The following BAG6 variants were observed in gnomAD, a reference collection of about 807,000 sequenced individuals.
The protein encoded by BAG6 is large proline-rich protein BAG6.
In BAG6, 22 loss-of-function variants were observed where a neutral mutation model predicts 121.0. The ratio of observed to expected loss-of-function variants is 0.18; its 90% CI spans 0.13 to 0.26. The LOEUF is 0.26. Among genes scored for constraint, BAG6 ranks in the 10% least tolerant of loss-of-function variants. The pLI is 1.00. For missense variants in BAG6, 1,233 were observed against 1,537.7 expected, an observed-to-expected ratio of 0.80 and a Z score of 3.31; for synonymous variants, 583 against 584.6, an observed-to-expected ratio of 1.00 and a Z score of 0.04.
At chr6:31,650,931 A>G (rs1207235864) in intron 2 of BAG6, among the ~76,000 whole-genome samples, 2 of 152,320 alleles carry the variant, frequency 1.3e-5, no homozygotes, top group African/African-American at 2.4e-5. Flanking sequence ...AATTTCACTC[A>G]ACAGTCTATC....
rs762757383 is a variant in BAG6 at position 31,645,090 on chromosome 6, G to T, written c.1225C>A (p.Pro409Thr). 1 of 1,613,020 alleles carries T rather than the reference G, an allele frequency of 6.2e-7. No individual in the cohort carries two copies. The highest frequency in any genetic ancestry group is 1.1e-5 in the South Asian group (1 of 91,080). ...GAGGACTCGACATTGGTAGAAGACG[G>T]AGCCACGGATGAGGCCTGCCCAGGA... ...PGPGQASSVAPSSTNVESSAE... is the reference protein window; with the variant it reads ...PGPGQASSVATSSTNVESSAE... The change falls in exon 10 of 26, where the codon CCG (proline) becomes ACG (threonine). Residue 409 changes from proline to threonine, a missense_variant. Transcript: ENST00000676615.
intron 2 of BAG6, among the ~76,000 whole-genome samples, 180 bp from the exon 3 acceptor site, chr6:31,649,807 A>T (rs925719595): frequency 2.0e-5 from 3 of 152,226 alleles, no homozygotes; most frequent in Non-Finnish European, 4.4e-5. Context: ...GTCAAAATAC[A>T]GACAATAAAT....
rs749648935 is a variant in BAG6 at position 31,644,938 on chromosome 6, A to C, written c.1369+8T>G. ...GATCCTGCTCTTCTCGCCAGCAACT[A>C]TTCTCACCTTGAATGTTCATGTGCA... On this transcript the variant is annotated splice_region_variant and intron_variant, in intron 10 of 25. Transcript: ENST00000676615. The surrounding 1 kb of genome is among the most constrained non-coding windows in gnomAD (Gnocchi z 4.9). The C allele has an allele frequency of 1.9e-6, 3 of 1,564,580 alleles. No homozygotes were observed. Among genetic ancestry groups the C allele is most frequent in the East Asian group, 2.3e-5 (1 of 44,428 alleles).
Position 31,644,435 on chromosome 6 carries a change from A to C in BAG6, c.1448-21T>G. The stretch of plus-strand genomic sequence containing the variant: ...GGAGCCTGGGGGGCGGGTCTGATGT[A>C]ACCTTGAACCTGGACCCCTTCAACC... On this transcript the variant is annotated intron_variant, in intron 11 of 25. Coordinates refer to ENST00000676615, the MANE Select transcript of BAG6 (RefSeq NM_001387994.1). This position sits in a 1 kb window ranked among gnomAD's most constrained non-coding sequence, Gnocchi z 4.9. The C allele has an allele frequency of 6.4e-7, 1 of 1,551,180 alleles. No individual in the cohort carries two copies. The highest frequency in any genetic ancestry group is 8.7e-7 in the Non-Finnish European group (1 of 1,146,442).
rs1376608722 is a variant in BAG6 at position 31,647,601 on chromosome 6, T to C, written c.778A>G (p.Asn260Asp). The C allele has an allele frequency of 1.9e-6, 3 of 1,609,840 alleles. No homozygotes were observed. Among genetic ancestry groups the C allele is most frequent in the Non-Finnish European group, 2.5e-6 (3 of 1,178,718 alleles). Residue 260 changes from asparagine to aspartate, a missense_variant, in exon 7 of 26, where the codon AAT (asparagine) becomes GAT (aspartate). Around this residue, in one of 7 missense-constraint regions of BAG6, gnomAD observed 777 missense variants for 861.4 expected, o/e 0.90. Transcript: ENST00000676615. Reference protein sequence around the residue: ...PAGPTPAPETNAPNHPSPAEY... With the variant: ...PAGPTPAPETDAPNHPSPAEY... ...CCCTCCATCTCTCACTTGGGTGCAT[T>C]TGTTTCCGGGGCAGGTGTTGGGCCC...
At position 31,644,602 on chromosome 6, in the gene BAG6, T is replaced by C. The variant is rs1403922608; in HGVS notation, c.1370A>G (p.Asp457Gly). ...PVVMMHMNIQDSGTQPGGVPS... is the reference protein window; with the variant it reads ...PVVMMHMNIQGSGTQPGGVPS... Reference sequence around the variant, plus strand: ...AACACCACCAGGCTGTGTGCCAGAATCTGGGCAGGGAGACAGAGACAGTGG... The same window carrying C: ...AACACCACCAGGCTGTGTGCCAGAACCTGGGCAGGGAGACAGAGACAGTGG... Residue 457 changes from aspartate (D) to glycine (G), a missense_variant and splice_region_variant, in exon 11 of 26, where the codon GAT becomes GGT. Around this residue, in one of 7 missense-constraint regions of BAG6, gnomAD observed 777 missense variants for 861.4 expected, o/e 0.90. Coordinates refer to ENST00000676615, the MANE Select transcript of BAG6 (RefSeq NM_001387994.1). The surrounding 1 kb of genome is among the most constrained non-coding windows in gnomAD (Gnocchi z 4.9). 1 of 1,612,522 alleles carries C rather than the reference T, an allele frequency of 6.2e-7. No individual in the cohort carries two copies. The highest frequency in any genetic ancestry group is 8.5e-7 in the Non-Finnish European group (1 of 1,179,866).
Position 31,642,960 on chromosome 6 carries a change from A to G in BAG6, c.1912T>C (p.Ser638Pro). Residue 638 changes from serine to proline, a missense_variant, in exon 15 of 26, where the codon TCT becomes CCT. By Grantham distance (74) the Ser-to-Pro change is moderately conservative. Around this residue, in one of 7 missense-constraint regions of BAG6, gnomAD observed 777 missense variants for 861.4 expected, o/e 0.90. Transcript: ENST00000676615. ...PQPSMADLQF[S>P]QLLGNLLGPA... ...CCTAGCAGGTTCCCCAGAAGCTGAG[A>G]GAACTGAAGATCAGCCATGGAGGGT... 6.2e-7 allele frequency: 1 copy of G among 1,604,858 alleles called. No homozygotes were observed. The highest frequency in any genetic ancestry group is 1.3e-5 in the African/African-American group (1 of 74,980).
chr6:31,639,325 C>CA (rs1011695832), intron 25 of BAG6, 99 bp from the exon 26 acceptor site: 28 of 1,451,764 alleles, frequency 1.9e-5, no homozygotes, highest in African/African-American at 7.0e-5. Flanking sequence ...CATTTCCCCC[C>CA]CCAAGCACAC....
chr6:31,649,603 G>T lies in BAG6; in HGVS notation c.133C>A (p.His45Asn). ...GGGATGCTGACAGAGGCAGCAATGTGCTCCTTAAACTCTTTTACATTCATC... is the reference window on the plus strand; with the variant it reads ...GGGATGCTGACAGAGGCAGCAATGTTCTCCTTAAACTCTTTTACATTCATC... ...AQMNVKEFKE[H>N]IAASVSIPSE... Residue 45 changes from histidine (H) to asparagine (N), a missense_variant, in exon 3 of 26, where the codon CAC becomes AAC. By Grantham distance (68) the His-to-Asn change is moderately conservative. This residue lies in a region of BAG6 where 28 missense variants were observed against 24.5 expected (regional missense o/e 1.14). Coordinates refer to ENST00000676615, the MANE Select transcript of BAG6 (RefSeq NM_001387994.1). The T allele has an allele frequency of 1.9e-6, 3 of 1,614,050 alleles. No homozygotes were observed. Among genetic ancestry groups the T allele is most frequent in the Non-Finnish European group, 2.5e-6 (3 of 1,179,962 alleles).
chr6:31,643,257 A>C (rs1482755179), intron 14 of BAG6, 142 bp from the exon 15 acceptor site: 1 of 806,356 alleles, frequency 1.2e-6, no homozygotes, highest in African/African-American at 1.7e-5. Flanking sequence ...TCTACCAGAA[A>C]AAAAAAAAGA....
Position 31,644,156 on chromosome 6 carries a change from C to G in BAG6, c.1594G>C (p.Val532Leu). The G allele has an allele frequency of 1.2e-6, 2 of 1,614,024 alleles. No individual in the cohort carries two copies. Among genetic ancestry groups the G allele is most frequent in the Non-Finnish European group, 1.7e-6 (2 of 1,179,974 alleles). ...GGAGGAGTGGGCCGGGCAATCACCACCCGGGTTGGAGCTGTTGGGAAGCCT... is the reference window on the plus strand; with the variant it reads ...GGAGGAGTGGGCCGGGCAATCACCAGCCGGGTTGGAGCTGTTGGGAAGCCT... ...VPGFPTAPTR[V>L]VIARPTPPQA... Residue 532 changes from valine (V) to leucine (L), a missense_variant, in exon 13 of 26, where the codon GTG becomes CTG. Coordinates refer to ENST00000676615, the MANE Select transcript of BAG6 (RefSeq NM_001387994.1). This position sits in a 1 kb window ranked among gnomAD's most constrained non-coding sequence, Gnocchi z 4.9.
chr6:31,647,230 T>A (rs1790715550), intron 7 of BAG6, among the ~76,000 whole-genome samples: 1 of 152,042 alleles, frequency 6.6e-6, no homozygotes, highest in Non-Finnish European at 1.5e-5. Flanking sequence ...CTCCCACCCA[T>A]GAGAGGATAG....
Position 31,647,730 on chromosome 6 carries a change from G to T in BAG6, c.649C>A (p.Pro217Thr). The change falls in exon 7 of 26, where the codon CCA becomes ACA. Residue 217 changes from proline to threonine, a missense_variant. By Grantham distance (38) the Pro-to-Thr change is conservative. This residue lies in a region of BAG6 where 777 missense variants were observed against 861.4 expected (regional missense o/e 0.90). Transcript: ENST00000676615. ...CGGGGAGGTGCTTCACTTTCAACTG[G>T]TTCTGATGTTTGAGAGCTCAAGGCT... ...PVALSSQTSEPVESEAPPREP... is the reference protein window; with the variant it reads ...PVALSSQTSETVESEAPPREP... 6.2e-7 allele frequency: 1 copy of T among 1,604,768 alleles called. No individual in the cohort carries two copies. Among genetic ancestry groups the T allele is most frequent in the Non-Finnish European group, 8.5e-7 (1 of 1,177,012 alleles).
At chr6:31,642,706 G>A (rs181026704) in intron 15 of BAG6, 123 bp downstream of exon 15, 2 of 1,149,952 alleles carry the variant, frequency 1.7e-6, no homozygotes, top group African/African-American at 1.6e-5. Context: ...AATTCCCAGG[G>A]CCCCTTCCCC....
chr6:31,639,784 T>A (rs1353686043), intron 24 of BAG6, 138 bp from the exon 25 acceptor site: 13 of 1,120,688 alleles, frequency 1.2e-5, no homozygotes, highest in Admixed American at 3.0e-5. Context: ...GAGTCCAGGA[T>A]GTGGTTTTTA....
rs914436195 is a variant in BAG6 at position 31,647,841 on chromosome 6, G to A, written c.553-15C>T. 2 of 1,523,024 alleles carry A rather than the reference G, an allele frequency of 1.3e-6. No homozygotes were observed. Among genetic ancestry groups the A allele is most frequent in the African/African-American group, 1.4e-5 (1 of 71,524 alleles). The allele number at this position is 1,523,024 out of a possible 1,614,324, so 94.3% of individuals were successfully genotyped here. A position where few individuals can be genotyped will look rare whatever the true frequency, so the allele number is the denominator to read the frequency against. On this transcript the variant is annotated splice_polypyrimidine_tract_variant and intron_variant, in intron 6 of 25. Transcript: ENST00000676615. ...CCTCCTCGACACTGAAGGTAGGGGAGAGTCAGGATACCAAAGGCAGGGTAA... is the reference window on the plus strand; with the variant it reads ...CCTCCTCGACACTGAAGGTAGGGGAAAGTCAGGATACCAAAGGCAGGGTAA...
At chr6:31,646,638 A>G (rs1789657877) in intron 7 of BAG6, 115 bp from the exon 8 acceptor site, 8 of 1,350,776 alleles carry the variant, frequency 5.9e-6, no homozygotes, top group African/African-American at 1.5e-5. Context: ...CCCTGGCCCA[A>G]TCCTTCTCTG....
Position 31,639,118 on chromosome 6 carries a change from A to G in BAG6, c.*13T>C, listed in dbSNP as rs779093154. The G allele has an allele frequency of 6.2e-7, 1 of 1,603,556 alleles. No individual in the cohort carries two copies. On this transcript the variant is annotated 3_prime_UTR_variant, in exon 26 of 26. Transcript: ENST00000676615. ...AACGGTCCCCTGATGAGGAAGGGCC[A>G]TAGAGCAAAGAGCTAAGGATCATCA... is the stretch of plus-strand genomic sequence containing the variant.
In BAG6 at chr6:31,644,229, T is replaced by C; in HGVS notation, c.1556-35A>G. 1.9e-6 allele frequency: 3 copies of C among 1,594,074 alleles called. No individual in the cohort carries two copies. Among genetic ancestry groups the C allele is most frequent in the Non-Finnish European group, 2.6e-6 (3 of 1,170,678 alleles). ...GCAGAAGAGACAGACCGAAGAGGGC[T>C]GAGGGCCAGGCCCTTGCCAGCCAGC... On this transcript the variant is annotated intron_variant, in intron 12 of 25. Transcript: ENST00000676615. The surrounding 1 kb of genome is among the most constrained non-coding windows in gnomAD (Gnocchi z 4.9).
Sources: allele counts gnomAD v4.1 joint callset (sites outside exome capture counted in the v4.1 genomes callset), GRCh38; gene constraint gnomAD v4.1.1; regional missense constraint gnomAD v4.1.1; non-coding constraint Gnocchi (gnomAD v3.1); transcripts MANE v1.5; gene names NCBI Gene and HGNC (gene_info 2026-07-23, HGNC 2026-07-21).